CAMK1D: variants seen among roughly 807,000 people sequenced by gnomAD.
The protein encoded by CAMK1D is calcium/calmodulin-dependent protein kinase type 1D.
Under a neutral mutation model 47.7 loss-of-function variants are expected in CAMK1D, and 9 were observed. The observed-to-expected ratio is 0.19, with a 90% CI of 0.11 to 0.33. The LOEUF is 0.33. CAMK1D is among the 10% of genes least tolerant of loss of function. The probability of loss-of-function intolerance (pLI) is 1.00; values close to 1 mark genes in which losing one functional copy is unlikely to be tolerated. For missense variants in CAMK1D, 291 were observed against 488.7 expected (o/e 0.60, Z 3.81); for synonymous variants, 184 against 184.9 (o/e 0.99, Z 0.04).
At position 12,642,106 on chromosome 10, in the gene CAMK1D, G is replaced by C. The variant is rs146706650; in HGVS notation, c.225-24630G>C. 7.4e-3 allele frequency among the ~76,000 whole-genome samples: 1,125 copies of C among 151,628 alleles called. 47 individuals carry two copies. The highest frequency in any genetic ancestry group is 0.066 in the Admixed American group (1,012 of 15,228). ...CTTTTGCTTTTTTACCTGCTAATTAGATTGCTAAATCCAGAAAAATAATGG... is the reference window on the plus strand; with the variant it reads ...CTTTTGCTTTTTTACCTGCTAATTACATTGCTAAATCCAGAAAAATAATGG... On this transcript the variant is annotated intron_variant, in intron 2 of 10. Transcript: ENST00000619168.
At chr10:12,779,621 G>C (rs1437466956) in intron 5 of CAMK1D, among the ~76,000 whole-genome samples, 1 of 152,124 alleles carries the variant, frequency 6.6e-6, no homozygotes, top group Non-Finnish European at 1.5e-5. Context: ...TGTAGAGACA[G>C]GGTCTCACTT....
chr10:12,793,046 A>G (rs928337), intron 6 of CAMK1D, among the ~76,000 whole-genome samples: 44,065 of 151,776 alleles, frequency 0.29, 8,022 homozygotes, highest in Non-Finnish European at 0.41. Flanking sequence ...GGGTAAGCAG[A>G]CACTGGACAG....
chr10:12,400,331 C>G (rs903388070), intron 1 of CAMK1D, among the ~76,000 whole-genome samples: 5 of 152,192 alleles, frequency 3.3e-5, no homozygotes, highest in African/African-American at 4.8e-5. Flanking sequence ...GTTTAAACTT[C>G]ACTGTGAGCT....
At chr10:12,489,310 CG>C (rs1227120721) in intron 1 of CAMK1D, among the ~76,000 whole-genome samples, 1 of 152,040 alleles carries the variant, frequency 6.6e-6, no homozygotes, top group African/African-American at 2.4e-5. Flanking sequence ...CCCCTGGTGT[CG>C]AGGGCCTGAG....
chr10:12,674,425 A>G (rs1009595775), intron 3 of CAMK1D, among the ~76,000 whole-genome samples: 1 of 152,202 alleles, frequency 6.6e-6, no homozygotes, highest in African/African-American at 2.4e-5. Context: ...AGGAAACAGC[A>G]TCGTGGGCAC....
At chr10:12,750,717 A>ATGATGAATGAATGAATGAATGAAT (rs1835904222) in intron 3 of CAMK1D, among the ~76,000 whole-genome samples, 1 of 152,236 alleles carries the variant, frequency 6.6e-6, no homozygotes, top group African/African-American at 2.4e-5. Flanking sequence ...TGAATGAAGT[A>ATGATGAATGAATGAATGAATGAAT]GAAGTTGAGG....
intron 1 of CAMK1D, among the ~76,000 whole-genome samples, chr10:12,540,070 C>T (rs1588611353): frequency 6.6e-6 from 1 of 152,056 alleles, no homozygotes; most frequent in East Asian, 1.9e-4. Flanking sequence ...TGTGCAACTA[C>T]ACCTAGCTAA....
At chr10:12,352,464 C>T (rs1437901251) in intron 1 of CAMK1D, among the ~76,000 whole-genome samples, 2 of 151,716 alleles carry the variant, frequency 1.3e-5, no homozygotes, top group African/African-American at 2.4e-5. Flanking sequence ...ACAAAATTAG[C>T]CGGGTGTGGT....
At position 12,363,249 on chromosome 10, in the gene CAMK1D, T is replaced by G. The variant is rs935049613; in HGVS notation, c.92+13339T>G. On this transcript the variant is annotated intron_variant, in intron 1 of 10. Coordinates refer to ENST00000619168, the MANE Select transcript of CAMK1D (RefSeq NM_153498.4). ...AACCACCGCACCCGGCCTGTTTTTTTTTTGTTTGTTTTGTTTTGTTTTTGA... is the reference window on the plus strand; with the variant it reads ...AACCACCGCACCCGGCCTGTTTTTTGTTTGTTTGTTTTGTTTTGTTTTTGA... Among the ~76,000 whole-genome samples the G allele has an allele frequency of 5.9e-5, 9 of 151,950 alleles. No homozygotes were observed. The South Asian group carries it at 8.3e-4, about 14-fold the overall frequency.
At chr10:12,666,869 G>A in intron 3 of CAMK1D, 59 bp downstream of exon 3, 1 of 1,328,134 alleles carries the variant, frequency 7.5e-7, no homozygotes, top group Non-Finnish European at 1.1e-6. Context: ...AATGTCTAAA[G>A]GGATCAGGTG....
intron 2 of CAMK1D, among the ~76,000 whole-genome samples, chr10:12,575,777 CAGT>C (rs1179078018): frequency 5.9e-5 from 9 of 152,312 alleles, no homozygotes; most frequent in Middle Eastern, 3.4e-3. Context: ...CTTAAGAAGA[CAGT>C]GGTGGTTTGC....
Position 12,658,946 on chromosome 10 carries a change from C to T in CAMK1D, c.225-7790C>T, listed in dbSNP as rs1248524395. ...AAAGCCCTCTGTCCTTGTGATAAGG[C>T]AGAGGGTCTAATAGAGCTGATTAAC... On this transcript the variant is annotated intron_variant, in intron 2 of 10. Coordinates refer to ENST00000619168, the MANE Select transcript of CAMK1D (RefSeq NM_153498.4). Among the ~76,000 whole-genome samples the T allele has an allele frequency of 2.6e-5, 4 of 152,302 alleles. No homozygotes were observed. The South Asian group carries it at 6.2e-4, about 24-fold the overall frequency.
At chr10:12,568,627 CT>C (rs1250009389) in intron 2 of CAMK1D, among the ~76,000 whole-genome samples, 1 of 140,760 alleles carries the variant, frequency 7.1e-6, no homozygotes, top group African/African-American at 2.6e-5. Context: ...TTTTATTCAT[CT>C]TTTTTTGTTT....
intron 3 of CAMK1D, among the ~76,000 whole-genome samples, chr10:12,727,317 G>T (rs961283751): frequency 6.6e-6 from 1 of 152,194 alleles, no homozygotes; most frequent in African/African-American, 2.4e-5. Flanking sequence ...TGGATCTGAG[G>T]TTAAATAATC....
At chr10:12,717,731 GAAA>G (rs11289567) in intron 3 of CAMK1D, among the ~76,000 whole-genome samples, 1 of 121,176 alleles carries the variant, frequency 8.3e-6, no homozygotes. Flanking sequence ...ACAAAAAATT[GAAA>G]AAAAAAAAAA....
At chr10:12,507,897 C>T (rs1340334562) in intron 1 of CAMK1D, among the ~76,000 whole-genome samples, 1 of 152,134 alleles carries the variant, frequency 6.6e-6, no homozygotes, top group Non-Finnish European at 1.5e-5. Flanking sequence ...AGAATTCACC[C>T]CCTCTTCTCT....
rs56657709 is a variant in CAMK1D at position 12,764,381 on chromosome 10, C to CAAAAAAAAAAAAAAAAAAAAAAA, written c.438+3312_438+3313insAAAAAAAAAAAAAAAAAAAAAAA. Reference sequence around the variant, plus strand: ...GGGCAACAAGAATGACACTTTGTCTCAAAAAAAAAAAAAAAAACATTGATC... The same window carrying CAAAAAAAAAAAAAAAAAAAAAAA: ...GGGCAACAAGAATGACACTTTGTCTCAAAAAAAAAAAAAAAAAAAAAAAAAAAAAAAAAAAAAAAACATTGATC... On this transcript the variant is annotated intron_variant, in intron 4 of 10. Transcript: ENST00000619168. 9.0e-5 allele frequency among the ~76,000 whole-genome samples: 7 copies of CAAAAAAAAAAAAAAAAAAAAAAA among 77,968 alleles called. 1 individual carries two copies. Among genetic ancestry groups the CAAAAAAAAAAAAAAAAAAAAAAA allele is most frequent in the African/African-American group, 3.4e-4 (7 of 20,524 alleles). 51.2% of individuals were successfully genotyped at this position (77,968 alleles called of 152,430 possible). A position where few individuals can be genotyped will look rare whatever the true frequency, so the allele number is the denominator to read the frequency against.
Position 12,659,845 on chromosome 10 carries a change from C to T in CAMK1D, c.225-6891C>T, listed in dbSNP as rs147514603. Among the ~76,000 whole-genome samples, 9 of 152,258 alleles carry T rather than the reference C, an allele frequency of 5.9e-5. No individual in the cohort carries two copies. The East Asian group carries it at 1.7e-3, about 29-fold the overall frequency. Reference sequence around the variant, plus strand: ...AGTGAAAGACCTGGTCCTCTATGGCCTTTGCTTGCGGAGAGAGGCCTTTCC... The same window carrying T: ...AGTGAAAGACCTGGTCCTCTATGGCTTTTGCTTGCGGAGAGAGGCCTTTCC... On this transcript the variant is annotated intron_variant, in intron 2 of 10. Transcript: ENST00000619168.
At chr10:12,586,501 C>T (rs908496742) in intron 2 of CAMK1D, among the ~76,000 whole-genome samples, 19 of 146,266 alleles carry the variant, frequency 1.3e-4, no homozygotes, top group African/African-American at 3.2e-4. Context: ...GATGCATACA[C>T]GAAAAGTTAG....
Sources: gnomAD v4.1 joint callset for allele counts (sites outside exome capture counted in the v4.1 genomes callset) on GRCh38, gnomAD v4.1.1 for gene constraint, MANE v1.5 for transcripts, NCBI Gene and HGNC (gene_info 2026-07-23, HGNC 2026-07-21) for gene names.